The following QNG1 variants were observed in gnomAD, a reference collection of about 807,000 sequenced individuals.
QNG1 encodes Q-nucleotide N-glycosylase 1, also known as queuosine 5'-phosphate N-glycosylase/hydrolase.
At chr9:83,938,556 C>T in the QNG1 span, 1 of 151,620 alleles carries the variant, frequency 6.6e-6, no homozygotes, top group South Asian at 2.1e-4. Flanking sequence ...GAAAATATAT[C>T]AGTAGATGAA....
chr9:83,952,316 T>C, the QNG1 span, among the ~76,000 whole-genome samples: 3 of 152,216 alleles, frequency 2.0e-5, no homozygotes, highest in Non-Finnish European at 4.4e-5. Context: ...AACTGTATGT[T>C]AGAAACAAGT....
the QNG1 span, among the ~76,000 whole-genome samples, chr9:83,948,512 A>G: frequency 2.3e-5 from 3 of 131,590 alleles, no homozygotes; most frequent in East Asian, 2.5e-4. Flanking sequence ...CCTGTCCGGG[A>G]GGGGGGGGGC....
the QNG1 span, chr9:83,956,505 C>A: frequency 1.3e-6 from 2 of 1,517,982 alleles, 1 homozygote; most frequent in East Asian, 4.5e-5. Flanking sequence ...GTCCATTCTG[C>A]CCTTTGGGAC....
At chr9:83,941,350 G>C in the QNG1 span, among the ~76,000 whole-genome samples, 12 of 152,278 alleles carry the variant, frequency 7.9e-5, no homozygotes, top group South Asian at 2.5e-3. Context: ...ATGTAATCAG[G>C]TGAAGAGGTC....
the QNG1 span, among the ~76,000 whole-genome samples, chr9:83,943,331 C>CAAAAAAAAAAAAAA: frequency 3.2e-5 from 2 of 62,524 alleles, no homozygotes; most frequent in African/African-American, 1.0e-4. Flanking sequence ...CAGAGCGTCT[C>CAAAAAAAAAAAAAA]AAAAAAAAAA....
At chr9:83,942,748 A>G in the QNG1 span, among the ~76,000 whole-genome samples, 1 of 152,246 alleles carries the variant, frequency 6.6e-6, no homozygotes, top group Non-Finnish European at 1.5e-5. Flanking sequence ...TGGCAAAAGA[A>G]TTTGTCCACC....
the QNG1 span, among the ~76,000 whole-genome samples, chr9:83,950,626 C>T: frequency 7.2e-6 from 1 of 139,142 alleles, no homozygotes; most frequent in East Asian, 2.1e-4. Context: ...GACAGGGCCT[C>T]ACTGCTGCCT....
the QNG1 span, chr9:83,956,264 C>G: frequency 6.2e-7 from 1 of 1,614,132 alleles, no homozygotes; most frequent in Non-Finnish European, 8.5e-7. Flanking sequence ...CCTGCTCCGA[C>G]CAAAAGGAGA....
chr9:83,944,910 C>T, the QNG1 span: 1 of 1,613,640 alleles, frequency 6.2e-7, no homozygotes, highest in Non-Finnish European at 8.5e-7. Context: ...CTTGAAGCAG[C>T]CATCTCCTTT....
the QNG1 span, among the ~76,000 whole-genome samples, chr9:83,940,920 G>T: frequency 2.6e-5 from 4 of 152,152 alleles, no homozygotes; most frequent in South Asian, 2.1e-4. Flanking sequence ...GATTAACCAG[G>T]TTCCTCCATT....
the QNG1 span, among the ~76,000 whole-genome samples, chr9:83,950,967 A>G: frequency 6.6e-6 from 1 of 152,204 alleles, no homozygotes; most frequent in Non-Finnish European, 1.5e-5. Context: ...CAAGGATTAC[A>G]AAAGTTAAGA....
the QNG1 span, chr9:83,944,952 A>G: frequency 6.2e-7 from 1 of 1,612,080 alleles, no homozygotes; most frequent in East Asian, 2.2e-5. Context: ...ATCTGCTACA[A>G]GGATTTGGGC....
At chr9:83,955,094 G>A in the QNG1 span, among the ~76,000 whole-genome samples, 2 of 151,686 alleles carry the variant, frequency 1.3e-5, no homozygotes, top group Non-Finnish European at 2.9e-5. Context: ...AGCTACTCGG[G>A]AGGCTGAGGC....
the QNG1 span, among the ~76,000 whole-genome samples, chr9:83,945,911 A>C: frequency 1.3e-5 from 2 of 152,094 alleles, no homozygotes; most frequent in Admixed American, 1.3e-4. Context: ...CCAAGGGCTT[A>C]TTATTTTAAA....
At chr9:83,948,122 G>A in the QNG1 span, among the ~76,000 whole-genome samples, 16 of 150,528 alleles carry the variant, frequency 1.1e-4, no homozygotes, top group South Asian at 2.7e-3. Flanking sequence ...CCTCTGCCCC[G>A]CCGCCCCGTC....
At chr9:83,940,368 C>T in the QNG1 span, among the ~76,000 whole-genome samples, 1 of 151,960 alleles carries the variant, frequency 6.6e-6, no homozygotes, top group African/African-American at 2.4e-5. Flanking sequence ...GTGGGAGGGT[C>T]GCTTGAGTCC....
the QNG1 span, among the ~76,000 whole-genome samples, chr9:83,949,402 G>A: frequency 6.6e-6 from 1 of 152,174 alleles, no homozygotes; most frequent in African/African-American, 2.4e-5. Flanking sequence ...CCAGCACTTT[G>A]GGAGGCCGAG....
chr9:83,952,486 C>A, the QNG1 span, among the ~76,000 whole-genome samples: 1 of 151,870 alleles, frequency 6.6e-6, no homozygotes, highest in African/African-American at 2.4e-5. Context: ...ATGGTGAAAC[C>A]CTGTCTCTAC....
the QNG1 span, among the ~76,000 whole-genome samples, chr9:83,945,240 C>CAA: frequency 7.2e-6 from 1 of 139,188 alleles, no homozygotes; most frequent in Non-Finnish European, 1.6e-5. Flanking sequence ...TCCAACTCTA[C>CAA]AAAAAAAAAA....
Sources: gnomAD v4.1 joint callset for allele counts (sites outside exome capture counted in the v4.1 genomes callset) on GRCh38, gnomAD v4.1.1 for gene constraint, MANE v1.5 for transcripts, NCBI Gene and HGNC (gene_info 2026-07-23, HGNC 2026-07-21) for gene names.